The following PHLPP1 variants were observed in gnomAD, a reference collection of about 807,000 sequenced individuals.
PHLPP1 encodes PH domain and leucine rich repeat protein phosphatase 1.
A neutral mutation model predicts 117.2 loss-of-function variants in PHLPP1; 42 were observed. That is an observed-to-expected ratio of 0.36 (90% confidence interval 0.28 to 0.46). The LOEUF is 0.46. Among genes scored for constraint, PHLPP1 ranks in the 20% least tolerant of loss-of-function variants. PHLPP1 has a pLI of 1.00. For missense variants in PHLPP1, 2,084 were observed against 2,241.9 expected (o/e 0.93, Z 1.42); for synonymous variants, 1,042 against 970.7 (o/e 1.07, Z -1.37).
chr18:62,800,191 C>G (rs1237622525), intron 1 of PHLPP1, among the ~76,000 whole-genome samples: 4 of 152,160 alleles, frequency 2.6e-5, no homozygotes, highest in Non-Finnish European at 5.9e-5. Flanking sequence ...CTCCCCACCC[C>G]CCACTGGCTG....
At chr18:62,968,373 G>A (rs1178983522) in intron 14 of PHLPP1, among the ~76,000 whole-genome samples, 1 of 151,952 alleles carries the variant, frequency 6.6e-6, no homozygotes, top group African/African-American at 2.4e-5. Context: ...GAAGCCATCT[G>A]TTCTGGGTTT....
At chr18:62,745,400 C>T (rs1911646880) in intron 1 of PHLPP1, among the ~76,000 whole-genome samples, 1 of 152,194 alleles carries the variant, frequency 6.6e-6, no homozygotes, top group Non-Finnish European at 1.5e-5. Flanking sequence ...TGACTCCAAA[C>T]AATCAATAAA....
intron 1 of PHLPP1, among the ~76,000 whole-genome samples, chr18:62,774,340 A>C (rs1912886473): frequency 6.6e-6 from 1 of 152,160 alleles, no homozygotes; most frequent in Admixed American, 6.5e-5. Context: ...AAGGAGACTG[A>C]AGTCAGATCA....
At chr18:62,836,472 TAA>T (rs1452071743) in intron 2 of PHLPP1, among the ~76,000 whole-genome samples, 7 of 142,874 alleles carry the variant, frequency 4.9e-5, no homozygotes, top group African/African-American at 8.1e-5. Flanking sequence ...AATAAATAAA[TAA>T]ATAAATAAAT....
chr18:62,716,537 G>T lies in PHLPP1; in HGVS notation c.854G>T (p.Arg285Met). 2 of 1,181,356 alleles carry T rather than the reference G, an allele frequency of 1.7e-6. No individual in the cohort carries two copies. Among genetic ancestry groups the T allele is most frequent in the African/African-American group, 3.2e-5 (2 of 62,258 alleles). 73.2% of individuals were successfully genotyped at this position (1,181,356 alleles called of 1,614,324 possible). A position where few individuals can be genotyped will look rare whatever the true frequency, so the allele number is the denominator to read the frequency against. ...CGGGACTCGGAGGTACCGCCCGCGA[G>T]GAGCGCGCCGGGTGCCTTCGGGGGG... ...EPRDSEVPPA[R>M]SAPGAFGGPP... The change falls in exon 1 of 17, where the codon AGG becomes ATG. Residue 285 changes from arginine (R) to methionine (M), a missense_variant. Around this residue, in one of 2 missense-constraint regions of PHLPP1, gnomAD observed 719 missense variants for 636.0 expected, o/e 1.13. Coordinates refer to ENST00000262719, the MANE Select transcript of PHLPP1 (RefSeq NM_194449.4). This position sits in a 1 kb window ranked among gnomAD's most constrained non-coding sequence, Gnocchi z 5.7.
At chr18:62,825,148 G>C (rs898960618) in intron 1 of PHLPP1, among the ~76,000 whole-genome samples, 3 of 151,616 alleles carry the variant, frequency 2.0e-5, no homozygotes, top group African/African-American at 7.3e-5. Flanking sequence ...TAGTAGAGAC[G>C]GGGTTTCGCC....
At chr18:62,854,421 G>C (rs1915441839) in intron 3 of PHLPP1, among the ~76,000 whole-genome samples, 3 of 152,212 alleles carry the variant, frequency 2.0e-5, no homozygotes, top group Non-Finnish European at 4.4e-5. Flanking sequence ...AAGGAATAAT[G>C]CCCCATGGGG....
intron 14 of PHLPP1, among the ~76,000 whole-genome samples, chr18:62,964,032 T>G (rs1318275157): frequency 6.6e-6 from 1 of 152,090 alleles, no homozygotes; most frequent in East Asian, 1.9e-4. Context: ...CTTCCCTCTC[T>G]TAGATACAGA....
intron 1 of PHLPP1, among the ~76,000 whole-genome samples, chr18:62,750,596 T>G (rs560959319): frequency 4.6e-5 from 7 of 152,342 alleles, no homozygotes; most frequent in Admixed American, 2.6e-4. Flanking sequence ...CTTTTTGTCT[T>G]TTGCATTTAT....
intron 3 of PHLPP1, among the ~76,000 whole-genome samples, chr18:62,856,392 T>C (rs1915499027): frequency 1.3e-5 from 2 of 152,104 alleles, no homozygotes; most frequent in Admixed American, 6.6e-5. Flanking sequence ...GTCTCCTTAT[T>C]ATCAGTGTTC....
intron 1 of PHLPP1, among the ~76,000 whole-genome samples, chr18:62,809,828 A>G (rs967422298): frequency 3.3e-5 from 5 of 152,180 alleles, no homozygotes; most frequent in Admixed American, 2.0e-4. Flanking sequence ...CCAAATAATT[A>G]TGTTCTCTTC....
rs376400741 is a variant in PHLPP1, at chr18:62,971,104, G to A, written c.3561-1410G>A. Among the ~76,000 whole-genome samples, 12 of 152,280 alleles carry A rather than the reference G, an allele frequency of 7.9e-5. No individual in the cohort carries two copies. In the East Asian group the frequency reaches 1.2e-3, roughly 15 times the overall value. On this transcript the variant is annotated intron_variant, in intron 14 of 16. Transcript: ENST00000262719. Reference sequence around the variant, plus strand: ...CAGGGAGAAGCCTGCTGTTGGGCACGTCCTGGTTTCCCCTGCTCTACCTCC... The same window carrying A: ...CAGGGAGAAGCCTGCTGTTGGGCACATCCTGGTTTCCCCTGCTCTACCTCC...
At chr18:62,872,890 A>G (rs2510022) in intron 4 of PHLPP1, among the ~76,000 whole-genome samples, 78,970 of 147,482 alleles carry the variant, frequency 0.54, 21,408 homozygotes, top group African/African-American at 0.61. Flanking sequence ...GGGAGGCTGA[A>G]GCAGGAGAAT....
intron 4 of PHLPP1, among the ~76,000 whole-genome samples, chr18:62,879,761 C>T (rs1014991172): frequency 2.0e-5 from 3 of 152,140 alleles, no homozygotes; most frequent in Non-Finnish European, 2.9e-5. Context: ...AACACAGATG[C>T]CTGTTTTTCA....
chr18:62,805,082 A>C (rs546891412), intron 1 of PHLPP1, among the ~76,000 whole-genome samples: 43 of 140,082 alleles, frequency 3.1e-4, no homozygotes, highest in African/African-American at 1.1e-3. Flanking sequence ...TATACAGTAT[A>C]ATATGCACTG....
intron 1 of PHLPP1, chr18:62,731,195 C>T (rs1011280868): frequency 6.6e-6 from 1 of 152,014 alleles, no homozygotes; most frequent in South Asian, 2.1e-4. Context: ...TGCAATATTT[C>T]AAAACTTTTC....
chr18:62,803,991 C>T (rs1027132275), intron 1 of PHLPP1, among the ~76,000 whole-genome samples: 5 of 151,822 alleles, frequency 3.3e-5, no homozygotes, highest in South Asian at 2.1e-4. Context: ...TGTATTAGTC[C>T]GTTTTCACAC....
At chr18:62,951,912 T>A (rs1008706138) in intron 12 of PHLPP1, among the ~76,000 whole-genome samples, 1 of 151,074 alleles carries the variant, frequency 6.6e-6, no homozygotes, top group Admixed American at 6.6e-5. Flanking sequence ...CCTCCCGGGT[T>A]CACGCCATTC....
In PHLPP1 at chr18:62,740,765, A is replaced by T. The variant is rs150310968; in HGVS notation, c.1576+23506A>T. Among the ~76,000 whole-genome samples, 1,171 of 152,312 alleles carry T rather than the reference A, an allele frequency of 7.7e-3. 16 individuals carry two copies. Among genetic ancestry groups the T allele is most frequent in the African/African-American group, 0.027 (1,122 of 41,560 alleles). Reference sequence around the variant, plus strand: ...AGGCAGGGGATCACCTGAGGTCAGGAGTTCAAGACCAGCCTGGCCAACATG... The same window carrying T: ...AGGCAGGGGATCACCTGAGGTCAGGTGTTCAAGACCAGCCTGGCCAACATG... On this transcript the variant is annotated intron_variant, in intron 1 of 16. Coordinates refer to ENST00000262719, the MANE Select transcript of PHLPP1 (RefSeq NM_194449.4).
Sources: gnomAD v4.1 joint callset for allele counts (sites outside exome capture counted in the v4.1 genomes callset) on GRCh38, gnomAD v4.1.1 for gene constraint, gnomAD v4.1.1 regional missense constraint, Gnocchi (gnomAD v3.1) non-coding constraint, MANE v1.5 for transcripts, NCBI Gene and HGNC (gene_info 2026-07-23, HGNC 2026-07-21) for gene names.